The following ACER1 variants were observed in gnomAD, a reference collection of about 807,000 sequenced individuals.
ACER1 encodes CTB-180A7.3.
A neutral mutation model predicts 24.9 loss-of-function variants in ACER1; 28 were observed. That is an observed-to-expected ratio of 1.13 (90% confidence interval 0.83 to 1.54). The LOEUF (loss-of-function observed/expected upper bound fraction) is 1.54, where lower values mean the gene tolerates loss of function less well. Ranked by LOEUF, ACER1 falls within the 40% of genes most tolerant of loss-of-function variation. The probability of loss-of-function intolerance (pLI) is 0.00; values close to 1 mark genes in which losing one functional copy is unlikely to be tolerated. For synonymous variants in ACER1, 132 were observed against 131.4 expected (o/e 1.00, Z -0.03); for missense variants, 352 against 349.3 (o/e 1.01, Z -0.06).
At chr19:6,335,160 T>G (rs1321655897), upstream of ACER1, among the ~76,000 whole-genome samples, 1 of 144,238 alleles carries the variant, frequency 6.9e-6, no homozygotes, top group Non-Finnish European at 1.5e-5. Flanking sequence ...ATAATTAATA[T>G]TATATATTAT....
At chr19:6,314,124 AATAT>A (rs74173084) in intron 1 of ACER1, among the ~76,000 whole-genome samples, 7,818 of 148,644 alleles carry the variant, frequency 0.053, 678 homozygotes, top group African/African-American at 0.18. Context: ...ATATATTGTG[AATAT>A]ATATATATAT....
chr19:6,310,624 A>G (rs1600234424), intron 3 of ACER1, among the ~76,000 whole-genome samples: 2 of 151,900 alleles, frequency 1.3e-5, no homozygotes, highest in South Asian at 2.1e-4. Flanking sequence ...CGTGACTGTA[A>G]TCCCAGCAAT....
chr19:6,346,465 C>A, the ACER1 span, among the ~76,000 whole-genome samples: 66 of 151,724 alleles, frequency 4.4e-4, no homozygotes, highest in African/African-American at 1.5e-3. Flanking sequence ...TCCTCCTCCC[C>A]CTCCTCTTCC....
intron 1 of ACER1, among the ~76,000 whole-genome samples, chr19:6,316,347 A>T (rs1233441117): frequency 6.6e-6 from 1 of 152,120 alleles, no homozygotes; most frequent in Admixed American, 6.6e-5. Context: ...GCTGAGGAGG[A>T]AAGATTGCTT....
upstream of ACER1, among the ~76,000 whole-genome samples, chr19:6,337,798 C>T (rs1218815868): frequency 1.3e-5 from 2 of 150,030 alleles, no homozygotes; most frequent in African/African-American, 4.9e-5. Context: ...GCCTCAGCCT[C>T]CCGAGTAGCT....
chr19:6,328,859 G>A (rs2145017062), intron 1 of ACER1, among the ~76,000 whole-genome samples: 1 of 151,216 alleles, frequency 6.6e-6, no homozygotes, highest in South Asian at 2.1e-4. Context: ...AATTTTGATA[G>A]AGATGGGGTT....
chr19:6,330,262 G>C (rs1028750583), intron 1 of ACER1, among the ~76,000 whole-genome samples: 1 of 149,802 alleles, frequency 6.7e-6, no homozygotes, highest in African/African-American at 2.5e-5. Flanking sequence ...CCACCTCCCA[G>C]ATTCAAGTGA....
rs181016269 is a variant in ACER1 at position 6,311,342 on chromosome 19, G to A, written c.350+807C>T. ...GTGGATCACTTGAGATCAGGAGATC[G>A]AGACCAGCCTGGCCAACATGGTGAA... On this transcript the variant is annotated intron_variant, in intron 3 of 5. Transcript: ENST00000301452. Among the ~76,000 whole-genome samples, 8 of 152,084 alleles carry A rather than the reference G, an allele frequency of 5.3e-5. No homozygotes were observed. In the East Asian group the frequency reaches 5.8e-4, roughly 11 times the overall value.
intron 1 of ACER1, among the ~76,000 whole-genome samples, chr19:6,329,156 G>A (rs2091675566): frequency 6.6e-6 from 1 of 151,456 alleles, no homozygotes; most frequent in Non-Finnish European, 1.5e-5. Flanking sequence ...TCTAAAACAG[G>A]TAAAATAAAA....
the ACER1 span, among the ~76,000 whole-genome samples, chr19:6,351,827 C>A: frequency 6.6e-6 from 1 of 152,016 alleles, no homozygotes; most frequent in South Asian, 2.1e-4. Context: ...GAGGCCGAGG[C>A]GGGTGGATCA....
the ACER1 span, among the ~76,000 whole-genome samples, chr19:6,355,826 C>T: frequency 3.4e-5 from 5 of 147,182 alleles, no homozygotes; most frequent in Non-Finnish European, 6.0e-5. Context: ...CCCGGCCAGC[C>T]GCTCCATCCG....
At chr19:6,355,713 CTCTG>C in the ACER1 span, among the ~76,000 whole-genome samples, 4 of 141,630 alleles carry the variant, frequency 2.8e-5, no homozygotes, top group Non-Finnish European at 1.5e-5. Context: ...TGAGGAGCCC[CTCTG>C]CCCGGCCAGC....
chr19:6,312,679 T>C (rs1007894154), intron 1 of ACER1, among the ~76,000 whole-genome samples, 180 bp from the exon 2 acceptor site: 1 of 151,130 alleles, frequency 6.6e-6, no homozygotes, highest in African/African-American at 2.4e-5. Flanking sequence ...TTTTTTTTTT[T>C]TTTTTTTAGA....
rs531375810 is a variant in ACER1, at chr19:6,307,391, G to A, written c.489-101C>T. 1.6e-4 allele frequency: 223 copies of A among 1,396,194 alleles called. No homozygotes were observed. In the African/African-American group the frequency reaches 2.8e-3, roughly 17 times the overall value. The allele number at this position is 1,396,194 out of a possible 1,614,324, so 86.5% of individuals were successfully genotyped here. A position where few individuals can be genotyped will look rare whatever the true frequency, so the allele number is the denominator to read the frequency against. Reference sequence around the variant, plus strand: ...CCACAGTGATGAGGCTCAGAGGTTGGGAGAAGGGAAAGAGCAGGAATTGAG... The same window carrying A: ...CCACAGTGATGAGGCTCAGAGGTTGAGAGAAGGGAAAGAGCAGGAATTGAG... On this transcript the variant is annotated intron_variant, in intron 4 of 5. Coordinates refer to ENST00000301452, the MANE Select transcript of ACER1 (RefSeq NM_133492.3).
Position 6,306,154 on chromosome 19 carries a change from T to G in ACER1, c.*560A>C, listed in dbSNP as rs1218343884. On this transcript the variant is annotated 3_prime_UTR_variant, in exon 6 of 6. Coordinates refer to ENST00000301452, the MANE Select transcript of ACER1 (RefSeq NM_133492.3). ...CCTCTGCCTCCTGGGTTCAAGCGAT[T>G]CTCCTGCCTCAGCCTCCCAAGTAGC... is the stretch of plus-strand genomic sequence containing the variant. 1 of 152,322 alleles carries G rather than the reference T, an allele frequency of 6.6e-6. No homozygotes were observed. The highest frequency in any genetic ancestry group is 1.5e-5 in the Non-Finnish European group (1 of 68,126). 9.4% of individuals were successfully genotyped at this position (152,322 alleles called of 1,614,324 possible). A position where few individuals can be genotyped will look rare whatever the true frequency, so the allele number is the denominator to read the frequency against.
the ACER1 span, among the ~76,000 whole-genome samples, chr19:6,346,825 C>T: frequency 1.3e-5 from 2 of 151,856 alleles, no homozygotes; most frequent in African/African-American, 4.8e-5. Context: ...AACATCACAG[C>T]GGAGATTACT....
chr19:6,309,886 A>G (rs1017744846), intron 3 of ACER1, 52 bp from the exon 4 acceptor site: 1 of 1,607,026 alleles, frequency 6.2e-7, no homozygotes, highest in South Asian at 1.1e-5. Context: ...CTGGGATTGT[A>G]GGCATGGTCA....
the ACER1 span, among the ~76,000 whole-genome samples, chr19:6,359,387 C>T: frequency 2.1e-4 from 31 of 147,062 alleles, no homozygotes; most frequent in Non-Finnish European, 3.3e-4. Flanking sequence ...GGTGTGATCT[C>T]GGCTCTCTGC....
intron 1 of ACER1, among the ~76,000 whole-genome samples, chr19:6,324,860 A>AAGGGAGGGAGG (rs2091651831): frequency 6.0e-5 from 6 of 100,288 alleles, no homozygotes; most frequent in African/African-American, 2.3e-4. Context: ...AGAGAGAGAG[A>AAGGGAGGGAGG]AAGGAAGGAA....
Sources: gnomAD v4.1 joint callset for allele counts (sites outside exome capture counted in the v4.1 genomes callset) on GRCh38, gnomAD v4.1.1 for gene constraint, MANE v1.5 for transcripts, NCBI Gene and HGNC (gene_info 2026-07-23, HGNC 2026-07-21) for gene names.